FAM184B: variants seen among roughly 807,000 people sequenced by gnomAD.
FAM184B encodes the protein family with sequence similarity 184 member B, also known as protein FAM184B.
A neutral mutation model predicts 135.9 loss-of-function variants in FAM184B; 111 were observed. The ratio of observed to expected loss-of-function variants is 0.82; its 90% CI spans 0.70 to 0.96. FAM184B has a LOEUF of 0.96. Among genes scored for constraint, FAM184B ranks in the 40% least tolerant of loss-of-function variants. The pLI is 0.00. For missense variants in FAM184B, 1,375 were observed against 1,323.9 expected, an observed-to-expected ratio of 1.04 and a Z score of -0.60; for synonymous variants, 552 against 524.8, an observed-to-expected ratio of 1.05 and a Z score of -0.71.
In FAM184B at chr4:17,705,086, G is replaced by T; in HGVS notation, c.1291C>A (p.Arg431=). ...KKHLKDQLVK[R]LEDLVKKHTV... is the part of the protein sequence containing the mutation. ...TGCTTCTTTACCAAGTCTTCTAGTC[G>T]CTTCACTAGCTGGTCTTTGAGATGT... The change falls in exon 5 of 18, where the codon CGA becomes AGA. Residue 431 remains arginine (R), a synonymous_variant. Transcript: ENST00000265018. The T allele has an allele frequency of 6.4e-7, 1 of 1,551,712 alleles. No individual in the cohort carries two copies. Among genetic ancestry groups the T allele is most frequent in the Non-Finnish European group, 8.7e-7 (1 of 1,147,000 alleles).
At chr4:17,757,808 A>G (rs1053301306) in intron 1 of FAM184B, among the ~76,000 whole-genome samples, 1 of 152,222 alleles carries the variant, frequency 6.6e-6, no homozygotes, top group Non-Finnish European at 1.5e-5. Flanking sequence ...CTGGAATCAC[A>G]TCAAGAAATT....
intron 14 of FAM184B, 127 bp from the exon 15 acceptor site, chr4:17,636,772 G>A (rs62298071): frequency 0.025 from 19,240 of 776,518 alleles, 334 homozygotes; most frequent in South Asian, 0.03. Context: ...GATAGCAGCA[G>A]CGGCTTGCCC....
chr4:17,673,389 G>A (rs546838189), intron 7 of FAM184B, among the ~76,000 whole-genome samples: 4 of 152,202 alleles, frequency 2.6e-5, no homozygotes, highest in Non-Finnish European at 4.4e-5. Context: ...AGGAACTACC[G>A]TTTGATCCAG....
chr4:17,780,904 A>G (rs909629291), intron 1 of FAM184B, among the ~76,000 whole-genome samples: 3 of 152,108 alleles, frequency 2.0e-5, no homozygotes, highest in African/African-American at 7.2e-5. Flanking sequence ...CCACCTTGGA[A>G]AAGCACAGAC....
chr4:17,749,458 T>C (rs903283592), intron 1 of FAM184B, among the ~76,000 whole-genome samples: 2 of 151,194 alleles, frequency 1.3e-5, no homozygotes, highest in African/African-American at 4.9e-5. Context: ...TAGGAAAAAA[T>C]AAAAGAAAAC....
At chr4:17,703,133 A>C (rs186621653) in intron 5 of FAM184B, among the ~76,000 whole-genome samples, 11 of 152,296 alleles carry the variant, frequency 7.2e-5, no homozygotes, top group Non-Finnish European at 8.8e-5. Flanking sequence ...CTAAAGTATG[A>C]GGTACTTTAT....
intron 11 of FAM184B, among the ~76,000 whole-genome samples, chr4:17,652,133 T>TC: frequency 1.1e-5 from 1 of 93,074 alleles, no homozygotes; most frequent in South Asian, 3.5e-4. Context: ...TAATATCTTT[T>TC]TTTTTTTTTT....
intron 1 of FAM184B, among the ~76,000 whole-genome samples, chr4:17,749,161 GTA>G (rs1030637697): frequency 3.3e-5 from 5 of 151,824 alleles, no homozygotes; most frequent in Admixed American, 6.6e-5. Flanking sequence ...TTTTTAAAGA[GTA>G]TATATGTTTC....
chr4:17,771,721 C>T (rs570389401), intron 1 of FAM184B, among the ~76,000 whole-genome samples: 1 of 152,288 alleles, frequency 6.6e-6, no homozygotes, highest in African/African-American at 2.4e-5. Flanking sequence ...CTCCTCCTGC[C>T]CTACAGCACT....
At chr4:17,742,168 A>ATATATATATATATATATTTTTT (rs1459958150) in intron 1 of FAM184B, among the ~76,000 whole-genome samples, 1 of 109,310 alleles carries the variant, frequency 9.1e-6, no homozygotes, top group African/African-American at 4.8e-5. Flanking sequence ...ATATATATAT[A>ATATATATATATATATATTTTTT]TTTTTTTTTT....
chr4:17,780,873 A>C (rs1262926479), intron 1 of FAM184B, among the ~76,000 whole-genome samples: 1 of 152,082 alleles, frequency 6.6e-6, no homozygotes, highest in Non-Finnish European at 1.5e-5. Context: ...GGGGACACAC[A>C]CACACACACG....
chr4:17,718,519 C>G (rs1049135456), intron 1 of FAM184B, among the ~76,000 whole-genome samples: 1 of 152,184 alleles, frequency 6.6e-6, no homozygotes, highest in Admixed American at 6.5e-5. Context: ...AATCTTCGCC[C>G]TTTCTTTCCC....
intron 7 of FAM184B, among the ~76,000 whole-genome samples, chr4:17,670,739 A>G (rs185136133): frequency 3.7e-4 from 57 of 152,344 alleles, no homozygotes; most frequent in Middle Eastern, 3.4e-3. Context: ...ATGGGGAATT[A>G]AATTGGAGAA....
Position 17,639,286 on chromosome 4 carries a change from G to C in FAM184B, c.2630C>G (p.Ala877Gly). 1.3e-6 allele frequency: 2 copies of C among 1,551,712 alleles called. No homozygotes were observed. Among genetic ancestry groups the C allele is most frequent in the Non-Finnish European group, 1.7e-6 (2 of 1,147,006 alleles). The change falls in exon 14 of 18, where the codon GCC becomes GGC. Residue 877 changes from alanine to glycine, a missense_variant. Physicochemically the swap from Ala to Gly is moderately conservative, Grantham distance 60. Coordinates refer to ENST00000265018, the MANE Select transcript of FAM184B (RefSeq NM_015688.2). ...AMVADFSSAQ[A>G]QLQARLAALE... ...GGCAGCCAGCCGGGCCTGGAGCTGG[G>C]CCTGGGCACTACTGAAATCTGCCAC...
intron 12 of FAM184B, among the ~76,000 whole-genome samples, chr4:17,645,061 A>G (rs1035411824): frequency 6.6e-6 from 1 of 152,184 alleles, no homozygotes; most frequent in African/African-American, 2.4e-5. Context: ...ACTACAAACC[A>G]CTGCTCAACA....
intron 1 of FAM184B, among the ~76,000 whole-genome samples, chr4:17,715,079 A>G (rs928113516): frequency 3.9e-5 from 6 of 152,150 alleles, no homozygotes; most frequent in East Asian, 1.9e-4. Flanking sequence ...TCCATATCAC[A>G]TATTTTCACC....
At chr4:17,641,643 CTTTTTTTTTTTTT>C (rs34886078) in intron 13 of FAM184B, among the ~76,000 whole-genome samples, 5 of 24,376 alleles carry the variant, frequency 2.1e-4, no homozygotes, top group South Asian at 2.1e-3. Flanking sequence ...CACGCCCGGC[CTTTTTTTTTTTTT>C]TTTTTTTTTT....
intron 6 of FAM184B, among the ~76,000 whole-genome samples, chr4:17,688,987 C>T (rs1040240469): frequency 6.6e-6 from 1 of 152,164 alleles, no homozygotes; most frequent in Admixed American, 6.5e-5. Context: ...GCCACTGTGC[C>T]CGGCCTAGAA....
chr4:17,658,010 T>C (rs576552746), intron 10 of FAM184B, among the ~76,000 whole-genome samples: 59 of 152,272 alleles, frequency 3.9e-4, no homozygotes, highest in African/African-American at 1.4e-3. Context: ...GCTGCAGGAC[T>C]GAGCCTGACT....
Sources: allele counts gnomAD v4.1 joint callset (sites outside exome capture counted in the v4.1 genomes callset), GRCh38; gene constraint gnomAD v4.1.1; transcripts MANE v1.5; gene names NCBI Gene and HGNC (gene_info 2026-07-23, HGNC 2026-07-21).